Variants in HOOK3 observed in about 807,000 individuals in gnomAD.
HOOK3 encodes protein Hook homolog 3.
In HOOK3, 24 loss-of-function variants were observed where a neutral mutation model predicts 116.3. That is an observed-to-expected ratio of 0.21 (90% CI 0.15 to 0.29). HOOK3 has a LOEUF of 0.29. Among genes scored for constraint, HOOK3 ranks in the 10% least tolerant of loss-of-function variants. The probability of loss-of-function intolerance (pLI) is 1.00; values close to 1 mark genes in which losing one functional copy is unlikely to be tolerated. For missense variants in HOOK3, 632 were observed against 830.2 expected (o/e 0.76, Z 2.93); for synonymous variants, 275 against 283.0 (o/e 0.97, Z 0.28).
chr8:43,013,312 CTT>C lies in HOOK3; in HGVS notation c.1945-4_1945-3del, dbSNP rs5891200. 0.12 allele frequency: 124,132 copies of C among 1,050,992 alleles called. No homozygotes were observed. The highest frequency in any genetic ancestry group is 0.18 in the South Asian group (9,484 of 51,474). 65.1% of individuals were successfully genotyped at this position (1,050,992 alleles called of 1,614,324 possible). A position where few individuals can be genotyped will look rare whatever the true frequency, so the allele number is the denominator to read the frequency against. On this transcript the variant is annotated splice_polypyrimidine_tract_variant and intron_variant, in intron 20 of 21. Transcript: ENST00000307602. ...TTATATCTTTACATATTTACATGTG[CTT>C]TTTTTTTTTTTTAGAAAGAATATGA... is the stretch of plus-strand genomic sequence containing the variant.
At chr8:42,925,377 G>A (rs1427169552) in intron 2 of HOOK3, among the ~76,000 whole-genome samples, 180 bp from the exon 3 acceptor site, 2 of 152,132 alleles carry the variant, frequency 1.3e-5, no homozygotes, top group East Asian at 3.9e-4. Flanking sequence ...GGGATTACAG[G>A]ATGAGCCACC....
chr8:42,985,860 T>G (rs1245651745), intron 14 of HOOK3, among the ~76,000 whole-genome samples: 2 of 152,212 alleles, frequency 1.3e-5, no homozygotes, highest in East Asian at 3.8e-4. Flanking sequence ...ATTTATTGTG[T>G]TTACAAAATA....
intron 2 of HOOK3, 63 bp from the exon 3 acceptor site, chr8:42,925,494 A>G: frequency 9.0e-7 from 1 of 1,109,186 alleles, no homozygotes; most frequent in Non-Finnish European, 1.3e-6. Context: ...ATGAGATTCA[A>G]TTTTCTTTGT....
At chr8:42,903,844 T>C (rs1247652398) in intron 1 of HOOK3, among the ~76,000 whole-genome samples, 1 of 151,640 alleles carries the variant, frequency 6.6e-6, no homozygotes, top group Non-Finnish European at 1.5e-5. Flanking sequence ...TATTCCCAGC[T>C]ACTCGGGGGG....
chr8:42,975,531 C>T (rs2130435996), intron 13 of HOOK3, among the ~76,000 whole-genome samples: 1 of 152,258 alleles, frequency 6.6e-6, no homozygotes, highest in East Asian at 1.9e-4. Flanking sequence ...TAGATTTACC[C>T]AGAAAGGCTT....
intron 2 of HOOK3, among the ~76,000 whole-genome samples, chr8:42,918,638 T>C (rs377444051): frequency 1.1e-4 from 17 of 152,036 alleles, no homozygotes; most frequent in African/African-American, 3.6e-4. Context: ...TCTTAACGAG[T>C]ATGCTGCCTT....
rs529369641 is a variant in HOOK3 at position 42,911,280 on chromosome 8, C to T, written c.143+5022C>T. Among the ~76,000 whole-genome samples, 27 of 152,172 alleles carry T rather than the reference C, an allele frequency of 1.8e-4. No individual in the cohort carries two copies. In the South Asian group the frequency reaches 5.0e-3, roughly 28 times the overall value. ...CAGCCTGACCAACATGGTGAAACTC[C>T]GTCTCTACAAAAGTACAAAAATTAG... On this transcript the variant is annotated intron_variant, in intron 2 of 21. Transcript: ENST00000307602.
intron 14 of HOOK3, among the ~76,000 whole-genome samples, chr8:42,986,298 T>C (rs1191210175): frequency 1.4e-5 from 2 of 142,830 alleles, no homozygotes; most frequent in Non-Finnish European, 3.2e-5. Flanking sequence ...AAATGATTGA[T>C]AATTTAAGAT....
At chr8:43,000,527 A>G (rs1241866590) in intron 16 of HOOK3, among the ~76,000 whole-genome samples, 2 of 152,158 alleles carry the variant, frequency 1.3e-5, no homozygotes, top group Non-Finnish European at 2.9e-5. Context: ...TCCCATTATT[A>G]TAATTAATTC....
At chr8:42,943,283 T>C in intron 4 of HOOK3, 30 bp from the exon 5 acceptor site, 1 of 1,337,032 alleles carries the variant, frequency 7.5e-7, no homozygotes, top group Non-Finnish European at 9.9e-7. Context: ...TAAATGTAAA[T>C]GCAATTATAA....
At chr8:42,984,200 T>C (rs1171141202) in intron 14 of HOOK3, among the ~76,000 whole-genome samples, 1 of 151,584 alleles carries the variant, frequency 6.6e-6, no homozygotes, top group African/African-American at 2.4e-5. Flanking sequence ...AAACCCTGTC[T>C]CTACTAAAAA....
intron 13 of HOOK3, among the ~76,000 whole-genome samples, chr8:42,978,943 AAC>A (rs1004783656): frequency 6.6e-6 from 1 of 152,156 alleles, no homozygotes; most frequent in African/African-American, 2.4e-5. Flanking sequence ...TTGCACACTT[AAC>A]ACAATTATTT....
At chr8:42,929,475 C>T (rs1470086026) in intron 3 of HOOK3, among the ~76,000 whole-genome samples, 1 of 152,140 alleles carries the variant, frequency 6.6e-6, no homozygotes, top group Non-Finnish European at 1.5e-5. Flanking sequence ...ATCACATACC[C>T]ATTTAACCTA....
intron 14 of HOOK3, among the ~76,000 whole-genome samples, chr8:42,985,261 G>T (rs1407998573): frequency 6.6e-6 from 1 of 152,120 alleles, no homozygotes; most frequent in Non-Finnish European, 1.5e-5. Context: ...ATACAGAGAA[G>T]TATATTTATA....
At chr8:42,963,824 GA>G (rs1487870620) in intron 8 of HOOK3, among the ~76,000 whole-genome samples, 1 of 152,174 alleles carries the variant, frequency 6.6e-6, no homozygotes, top group Non-Finnish European at 1.5e-5. Context: ...AAATAAGAAT[GA>G]ATTGTTACTC....
intron 12 of HOOK3, 110 bp from the exon 13 acceptor site, chr8:42,973,997 A>ACATGTT (rs1294872386): frequency 2.6e-6 from 2 of 779,984 alleles, no homozygotes; most frequent in African/African-American, 3.5e-5. Context: ...AAAAGGTAAA[A>ACATGTT]CATGTTCATG....
chr8:42,990,670 A>G lies in HOOK3; in HGVS notation c.1532+3875A>G, dbSNP rs137888096. 6.0e-4 allele frequency among the ~76,000 whole-genome samples: 91 copies of G among 152,124 alleles called. No individual in the cohort carries two copies. The East Asian group carries it at 6.6e-3, about 11-fold the overall frequency. On this transcript the variant is annotated intron_variant, in intron 15 of 21. Transcript: ENST00000307602. ...TTGTGCCTATTTTTAAAATCGGATT[A>G]TTGGAGTTTTTCCTGTAGAGTTGTT...
At chr8:42,996,250 G>C (rs1401478251) in intron 15 of HOOK3, among the ~76,000 whole-genome samples, 1 of 152,034 alleles carries the variant, frequency 6.6e-6, no homozygotes, top group Non-Finnish European at 1.5e-5. Flanking sequence ...GCCAGGCATG[G>C]TGGTGCGCAT....
intron 7 of HOOK3, 53 bp downstream of exon 7, chr8:42,957,209 T>C (rs1808453284): frequency 4.6e-6 from 5 of 1,098,736 alleles, no homozygotes; most frequent in Non-Finnish European, 6.6e-6. Flanking sequence ...AGGATAAGCA[T>C]CAGATGTTAA....
Sources: allele counts gnomAD v4.1 joint callset (sites outside exome capture counted in the v4.1 genomes callset), GRCh38; gene constraint gnomAD v4.1.1; transcripts MANE v1.5; gene names NCBI Gene and HGNC (gene_info 2026-07-23, HGNC 2026-07-21).